PRKCE: variants seen among roughly 807,000 people sequenced by gnomAD.
PRKCE encodes the protein protein kinase C epsilon, also known as protein kinase C epsilon type.
Under a neutral mutation model 85.4 loss-of-function variants are expected in PRKCE, and 16 were observed. That is an observed-to-expected ratio of 0.19 (90% CI 0.13 to 0.28). PRKCE has a LOEUF of 0.28. PRKCE is among the 10% of genes least tolerant of loss of function. The probability of loss-of-function intolerance (pLI) is 1.00; values close to 1 mark genes in which losing one functional copy is unlikely to be tolerated. For synonymous variants in PRKCE, 388 were observed against 371.5 expected (o/e 1.04, Z -0.51); for missense variants, 573 against 975.2 (o/e 0.59, Z 5.49).
intron 1 of PRKCE, among the ~76,000 whole-genome samples, chr2:45,735,939 A>AT (rs1406950548): frequency 6.6e-6 from 1 of 152,068 alleles, no homozygotes; most frequent in Non-Finnish European, 1.5e-5. Context: ...TGTCCCATGT[A>AT]TTTTTTACCA....
intron 11 of PRKCE, among the ~76,000 whole-genome samples, chr2:46,143,024 G>T (rs1009074751): frequency 6.6e-6 from 1 of 152,158 alleles, no homozygotes; most frequent in East Asian, 1.9e-4. Flanking sequence ...GCAGAGGAGC[G>T]CAGCACACAG....
chr2:46,070,626 G>A (rs1251125106), intron 10 of PRKCE, among the ~76,000 whole-genome samples: 3 of 149,272 alleles, frequency 2.0e-5, no homozygotes, highest in African/African-American at 7.5e-5. Context: ...CTTAGCGACA[G>A]AGCAAGACTC....
chr2:45,881,701 C>T (rs1466056245), intron 2 of PRKCE, among the ~76,000 whole-genome samples: 7 of 152,166 alleles, frequency 4.6e-5, no homozygotes, highest in African/African-American at 1.7e-4. Flanking sequence ...AGACCCAGCA[C>T]GATGGAATGA....
intron 2 of PRKCE, among the ~76,000 whole-genome samples, chr2:45,898,260 C>G (rs1440160297): frequency 1.4e-4 from 21 of 152,188 alleles, no homozygotes; most frequent in South Asian, 8.3e-4. Context: ...TAAGCTTCAC[C>G]TCTGAAGGGA....
chr2:46,005,267 G>A (rs908755983), intron 8 of PRKCE, among the ~76,000 whole-genome samples: 1 of 152,148 alleles, frequency 6.6e-6, no homozygotes, highest in Non-Finnish European at 1.5e-5. Context: ...GACATAATTT[G>A]CACAATAATA....
intron 11 of PRKCE, among the ~76,000 whole-genome samples, chr2:46,109,802 C>A (rs1672088469): frequency 6.6e-6 from 1 of 152,068 alleles, no homozygotes; most frequent in African/African-American, 2.4e-5. Context: ...AAGCATCCAG[C>A]TACTCACCAT....
intron 2 of PRKCE, chr2:45,845,352 G>A (rs1691696297): frequency 6.6e-6 from 1 of 150,614 alleles, no homozygotes; most frequent in Admixed American, 6.7e-5. Flanking sequence ...CACCCTCCTG[G>A]ATTTACAGAC....
At chr2:45,777,048 C>T (rs1438434293) in intron 1 of PRKCE, among the ~76,000 whole-genome samples, 3 of 152,160 alleles carry the variant, frequency 2.0e-5, no homozygotes, top group South Asian at 2.1e-4. Context: ...GGAAGAATAA[C>T]GTGAGTTCCC....
intron 4 of PRKCE, among the ~76,000 whole-genome samples, chr2:45,979,887 G>T (rs1047339651): frequency 6.6e-6 from 1 of 152,172 alleles, no homozygotes; most frequent in Non-Finnish European, 1.5e-5. Flanking sequence ...GCCTGCTGCA[G>T]TTCCCCCTAT....
chr2:46,133,063 A>G (rs980092129), intron 11 of PRKCE, among the ~76,000 whole-genome samples: 2 of 152,222 alleles, frequency 1.3e-5, no homozygotes, highest in African/African-American at 2.4e-5. Flanking sequence ...GTGGCTGGAC[A>G]TGGAAGACAT....
At chr2:46,161,084 C>A (rs1677710679) in intron 14 of PRKCE, among the ~76,000 whole-genome samples, 1 of 152,224 alleles carries the variant, frequency 6.6e-6, no homozygotes, top group South Asian at 2.1e-4. Flanking sequence ...AGCCCATCTC[C>A]ACCACAGCTC....
intron 2 of PRKCE, among the ~76,000 whole-genome samples, chr2:45,904,660 T>C (rs1329246006): frequency 1.3e-5 from 2 of 152,292 alleles, no homozygotes; most frequent in African/African-American, 2.4e-5. Flanking sequence ...TGGGCTGTGC[T>C]CGGGGATCTC....
At chr2:45,950,762 T>C (rs527873921) in intron 2 of PRKCE, among the ~76,000 whole-genome samples, 68 of 152,250 alleles carry the variant, frequency 4.5e-4, no homozygotes, top group African/African-American at 8.7e-4. Context: ...GTGTCTGTTG[T>C]TCACACTTCC....
intron 11 of PRKCE, among the ~76,000 whole-genome samples, chr2:46,129,973 T>C (rs910521279): frequency 6.6e-6 from 1 of 152,246 alleles, no homozygotes; most frequent in South Asian, 2.1e-4. Flanking sequence ...CAATAAAAGC[T>C]GTTTGACAGT....
chr2:45,941,052 T>G (rs1699838395), intron 2 of PRKCE, among the ~76,000 whole-genome samples: 2 of 88,848 alleles, frequency 2.3e-5, no homozygotes. Context: ...GGTGACAGAG[T>G]GAGACTTCAT....
chr2:46,173,689 T>A (rs530917467), intron 14 of PRKCE, among the ~76,000 whole-genome samples: 2 of 152,304 alleles, frequency 1.3e-5, no homozygotes, highest in East Asian at 3.9e-4. Context: ...TCATAACACA[T>A]GTTAGAAGTT....
intron 1 of PRKCE, among the ~76,000 whole-genome samples, chr2:45,815,391 G>C (rs1483843856): frequency 6.6e-6 from 1 of 152,146 alleles, no homozygotes; most frequent in Non-Finnish European, 1.5e-5. Flanking sequence ...AAGCTGAGGG[G>C]GTGCATTCCC....
At chr2:45,862,003 C>T (rs1473616377) in intron 2 of PRKCE, among the ~76,000 whole-genome samples, 2 of 152,058 alleles carry the variant, frequency 1.3e-5, no homozygotes, top group East Asian at 1.9e-4. Context: ...GCATAGTGTA[C>T]ACACACACAA....
intron 2 of PRKCE, among the ~76,000 whole-genome samples, chr2:45,885,536 C>T (rs1213106354): frequency 2.0e-5 from 3 of 152,180 alleles, no homozygotes; most frequent in Non-Finnish European, 4.4e-5. Flanking sequence ...AAGCCTGGAC[C>T]ACTTCATTTA....
Sources: gnomAD v4.1 joint callset for allele counts (sites outside exome capture counted in the v4.1 genomes callset) on GRCh38, gnomAD v4.1.1 for gene constraint, MANE v1.5 for transcripts, NCBI Gene and HGNC (gene_info 2026-07-23, HGNC 2026-07-21) for gene names.